Variants in COL5A1 observed in about 807,000 individuals in gnomAD.
COL5A1 encodes the protein collagen type V alpha 1 chain.
COL5A1 carries 16 observed loss-of-function variants against 263.7 expected under a neutral mutation model. The ratio of observed to expected loss-of-function variants is 0.06; its 90% CI spans 0.04 to 0.09. The LOEUF is 0.09. Among genes scored for constraint, COL5A1 ranks in the 10% least tolerant of loss-of-function variants. The probability of loss-of-function intolerance (pLI) is 1.00; values close to 1 mark genes in which losing one functional copy is unlikely to be tolerated. For missense variants in COL5A1, 2,036 were observed against 2,540.5 expected, an observed-to-expected ratio of 0.80 and a Z score of 4.27; for synonymous variants, 1,012 against 1,004.5, an observed-to-expected ratio of 1.01 and a Z score of -0.14.
chr9:134,686,034 A>G lies in COL5A1; in HGVS notation c.110-4878A>G, dbSNP rs1374101402. 2.0e-5 allele frequency among the ~76,000 whole-genome samples: 3 copies of G among 152,002 alleles called. No individual in the cohort carries two copies. The highest frequency in any genetic ancestry group is 4.4e-5 in the Non-Finnish European group (3 of 68,010). ...CATCCATCCATCCATTCATCCATCT[A>G]TCCACCATTCATTTATCCACTATCC... On this transcript the variant is annotated intron_variant, in intron 1 of 65. Coordinates refer to ENST00000371817, the MANE Select transcript of COL5A1 (RefSeq NM_000093.5). This position sits in a 1 kb window ranked among gnomAD's most constrained non-coding sequence, Gnocchi z 4.6.
At chr9:134,692,281 G>A (rs571028720) in intron 2 of COL5A1, among the ~76,000 whole-genome samples, 1 of 152,288 alleles carries the variant, frequency 6.6e-6, no homozygotes, top group East Asian at 1.9e-4. Context: ...GTGGCCCTGG[G>A]CTGTGGATCC....
chr9:134,710,060 C>T (rs1301451429), intron 4 of COL5A1, among the ~76,000 whole-genome samples: 1 of 152,318 alleles, frequency 6.6e-6, no homozygotes, highest in East Asian at 1.9e-4. Context: ...AAGGGGGCAT[C>T]TGAGGGAGCC....
In COL5A1 at chr9:134,842,186, G is replaced by A; in HGVS notation, c.5400G>A (p.Leu1800=). The change falls in exon 66 of 66, where the codon CTG becomes CTA. Residue 1800 remains leucine, a synonymous_variant. Coordinates refer to ENST00000371817, the MANE Select transcript of COL5A1 (RefSeq NM_000093.5). The surrounding 1 kb of genome is among the most constrained non-coding windows in gnomAD (Gnocchi z 5.8). ...ATKKGYQKTV[L]EIDTPKVEQV... Reference sequence around the variant, plus strand: ...AGAAAGGCTACCAGAAGACGGTTCTGGAGATCGACACCCCCAAAGTGGAGC... The same window carrying A: ...AGAAAGGCTACCAGAAGACGGTTCTAGAGATCGACACCCCCAAAGTGGAGC... The A allele has an allele frequency of 1.2e-6, 2 of 1,613,978 alleles. No homozygotes were observed. Among genetic ancestry groups the A allele is most frequent in the African/African-American group, 2.7e-5 (2 of 74,966 alleles).
At chr9:134,704,488 G>A (rs913448966) in intron 4 of COL5A1, among the ~76,000 whole-genome samples, 8 of 152,228 alleles carry the variant, frequency 5.3e-5, no homozygotes, top group African/African-American at 1.7e-4. Context: ...AGGGAACCGT[G>A]CAGGTCTCAC....
rs977614031 is a variant in COL5A1 at position 134,724,914 on chromosome 9, G to A, written c.655-2352G>A. 4.6e-5 allele frequency among the ~76,000 whole-genome samples: 7 copies of A among 152,096 alleles called. No homozygotes were observed. In the South Asian group the frequency reaches 8.3e-4, roughly 18 times the overall value. ...AACCAGGCTCGGGTGAACCAGGCTC[G>A]GATGAACCGTGGAGAACTTGCCATC... On this transcript the variant is annotated intron_variant, in intron 4 of 65. Transcript: ENST00000371817.
intron 4 of COL5A1, among the ~76,000 whole-genome samples, chr9:134,719,017 A>C (rs1228764265): frequency 6.6e-6 from 1 of 152,172 alleles, no homozygotes; most frequent in African/African-American, 2.4e-5. Context: ...GTGCACGCTG[A>C]GGATATCTGA....
intron 32 of COL5A1, among the ~76,000 whole-genome samples, chr9:134,793,428 GA>G (rs1317535354): frequency 6.6e-6 from 1 of 152,128 alleles, no homozygotes; most frequent in African/African-American, 2.4e-5. Flanking sequence ...AGGGACTCGA[GA>G]TTCTTTGGCT....
chr9:134,760,043 TACAC>T (rs1197020641), intron 18 of COL5A1, among the ~76,000 whole-genome samples: 21 of 47,034 alleles, frequency 4.5e-4, no homozygotes, highest in Non-Finnish European at 4.7e-4. Context: ...CACACGCACA[TACAC>T]ACCCACACAC....
rs138803413 is a variant in COL5A1 at position 134,750,616 on chromosome 9, C to T, written c.1569C>T (p.Pro523=). The T allele has an allele frequency of 3.2e-5, 52 of 1,613,328 alleles. No individual in the cohort carries two copies. Among genetic ancestry groups the T allele is most frequent in the East Asian group, 4.5e-5 (2 of 44,858 alleles). The change falls in exon 12 of 66, where the codon CCC becomes CCT. Residue 523 remains proline, a splice_region_variant and synonymous_variant. Transcript: ENST00000371817. ...CTCCAGGAACCATGCTCATGCTGCC[C>T]GTGAGTACCCTTATCAGTCGGAGGT... The part of the protein sequence containing the change: ...PGPPGTMLML[P]FRFGGGGDAG...
At chr9:134,782,796 T>G in intron 29 of COL5A1, 76 bp downstream of exon 29, 1 of 1,332,170 alleles carries the variant, frequency 7.5e-7, no homozygotes, top group Non-Finnish European at 1.1e-6. Context: ...GTGGGGATGT[T>G]TGCCGCCACA....
At chr9:134,816,267 G>A (rs1207276490) in intron 52 of COL5A1, among the ~76,000 whole-genome samples, 1 of 152,214 alleles carries the variant, frequency 6.6e-6, no homozygotes, top group African/African-American at 2.4e-5. Flanking sequence ...CCCACCATGG[G>A]CTCGCCCGGG....
chr9:134,766,300 T>C (rs1006386075), intron 21 of COL5A1, among the ~76,000 whole-genome samples, 154 bp from the exon 22 acceptor site: 4 of 152,200 alleles, frequency 2.6e-5, no homozygotes, highest in African/African-American at 4.8e-5. Flanking sequence ...GGGAAGGGAT[T>C]TGGAGTCAGG....
intron 1 of COL5A1, among the ~76,000 whole-genome samples, chr9:134,656,142 T>C (rs1015317605): frequency 3.6e-4 from 54 of 152,106 alleles, no homozygotes; most frequent in Admixed American, 1.4e-3. Context: ...GGGCCCCACC[T>C]TGCAGCTTCA....
Position 134,686,876 on chromosome 9 carries a change from A to T in COL5A1, c.110-4036A>T, listed in dbSNP as rs534491112. Among the ~76,000 whole-genome samples, 1 of 152,234 alleles carries T rather than the reference A, an allele frequency of 6.6e-6. No homozygotes were observed. Among genetic ancestry groups the T allele is most frequent in the South Asian group, 2.1e-4 (1 of 4,814 alleles). On this transcript the variant is annotated intron_variant, in intron 1 of 65. Coordinates refer to ENST00000371817, the MANE Select transcript of COL5A1 (RefSeq NM_000093.5). The surrounding 1 kb of genome is among the most constrained non-coding windows in gnomAD (Gnocchi z 4.6). ...TGGCCTTGTGCTGGGCCCATGTCCCATAGGTGGTTCCAGGGAGGCTCCTGG... is the reference window on the plus strand; with the variant it reads ...TGGCCTTGTGCTGGGCCCATGTCCCTTAGGTGGTTCCAGGGAGGCTCCTGG...
chr9:134,687,209 G>T (rs1833108464), intron 1 of COL5A1, among the ~76,000 whole-genome samples: 2 of 152,160 alleles, frequency 1.3e-5, no homozygotes, highest in Non-Finnish European at 2.9e-5. Context: ...CAGGGCGGAG[G>T]AGGCTGCCAC....
chr9:134,802,499 G>C (rs187443586), intron 38 of COL5A1, among the ~76,000 whole-genome samples: 1 of 152,236 alleles, frequency 6.6e-6, no homozygotes, highest in Non-Finnish European at 1.5e-5. Context: ...TGAGTAAGAC[G>C]TAGACCTGCT....
chr9:134,784,527 G>C (rs954051421), intron 29 of COL5A1, among the ~76,000 whole-genome samples: 3 of 152,230 alleles, frequency 2.0e-5, no homozygotes, highest in Non-Finnish European at 1.5e-5. Context: ...CCGTGTGCTC[G>C]TTATGCCCAG....
chr9:134,794,130 A>T lies in COL5A1; in HGVS notation c.2701-952A>T, dbSNP rs1837812896. 6.6e-6 allele frequency among the ~76,000 whole-genome samples: 1 copy of T among 152,158 alleles called. No individual in the cohort carries two copies. The highest frequency in any genetic ancestry group is 1.5e-5 in the Non-Finnish European group (1 of 68,042). On this transcript the variant is annotated intron_variant, in intron 32 of 65. Transcript: ENST00000371817. This position sits in a 1 kb window ranked among gnomAD's most constrained non-coding sequence, Gnocchi z 4.3. ...ATCACGAGGTCAAGAGATCGAGACC[A>T]TCCTTGCCAACATGGTGAAACCCTG...
intron 4 of COL5A1, among the ~76,000 whole-genome samples, chr9:134,720,533 C>T (rs560062400): frequency 1.3e-5 from 2 of 152,328 alleles, no homozygotes; most frequent in East Asian, 1.9e-4. Flanking sequence ...CAGATTATGG[C>T]GGTCGGGCTG....
Sources: allele counts gnomAD v4.1 joint callset (sites outside exome capture counted in the v4.1 genomes callset), GRCh38; gene constraint gnomAD v4.1.1; non-coding constraint Gnocchi (gnomAD v3.1); transcripts MANE v1.5; gene names NCBI Gene and HGNC (gene_info 2026-07-23, HGNC 2026-07-21).